Variants in CTNNA3 observed in about 807,000 individuals in gnomAD.
The protein encoded by CTNNA3 is catenin alpha-3.
CTNNA3 carries 76 observed loss-of-function variants against 95.7 expected under a neutral mutation model. That is an observed-to-expected ratio of 0.79 (90% CI 0.66 to 0.96). The LOEUF is 0.96. CTNNA3 is among the 40% of genes least tolerant of loss of function. The pLI is 0.00. For synonymous variants in CTNNA3, 431 were observed against 374.4 expected (o/e 1.15, Z -1.74); for missense variants, 1,191 against 1,089.8 (o/e 1.09, Z -1.31).
Position 66,006,255 on chromosome 10 carries a change from C to T in CTNNA3, c.2160-17458G>A, listed in dbSNP as rs188115365. 9.5e-3 allele frequency among the ~76,000 whole-genome samples: 1,441 copies of T among 151,958 alleles called. 10 individuals carry two copies. Among genetic ancestry groups the T allele is most frequent in the South Asian group, 0.015 (71 of 4,802 alleles). On this transcript the variant is annotated intron_variant, in intron 15 of 17. Transcript: ENST00000433211. ...GTCTCGATCTCCTGACCTCGTGATC[C>T]GCCCGCCTCGGCCTCCCAAAGTGCT... is the stretch of plus-strand genomic sequence containing the variant.
At chr10:66,080,705 C>T (rs972457229) in intron 14 of CTNNA3, among the ~76,000 whole-genome samples, 1 of 152,102 alleles carries the variant, frequency 6.6e-6, no homozygotes, top group African/African-American at 2.4e-5. Context: ...AGATGGAACT[C>T]AACTCTGCTG....
intron 17 of CTNNA3, among the ~76,000 whole-genome samples, chr10:65,947,376 C>T (rs536807916): frequency 6.6e-6 from 1 of 152,228 alleles, no homozygotes; most frequent in South Asian, 2.1e-4. Flanking sequence ...GTAAATTTAA[C>T]ATTTATCCAA....
intron 9 of CTNNA3, among the ~76,000 whole-genome samples, chr10:66,704,338 T>C (rs946673467): frequency 2.0e-5 from 3 of 152,154 alleles, no homozygotes; most frequent in African/African-American, 7.2e-5. Context: ...GAAACATAAA[T>C]GCTTCTTTTT....
rs947855137 is a variant in CTNNA3 at position 66,240,274 on chromosome 10, C to T, written c.1884+40196G>A. Among the ~76,000 whole-genome samples the T allele has an allele frequency of 3.3e-5, 5 of 151,960 alleles. 1 individual carries two copies. The highest frequency in any genetic ancestry group is 4.1e-4 in the South Asian group (2 of 4,826). On this transcript the variant is annotated intron_variant, in intron 13 of 17. Transcript: ENST00000433211. The stretch of plus-strand genomic sequence containing the variant: ...AACATTTCAAATGAAGAACCAAAAT[C>T]GGGAAATGCAAATCACAACTCTAAC...
At position 66,083,873 on chromosome 10, in the gene CTNNA3, T is replaced by G. The variant is rs371192819; in HGVS notation, c.1978-14384A>C. ...TGAGTTGGCTGGGTGTGGTGGCTCA[T>G]GCCTGTAATCCCAGCACTTTGGGAG... On this transcript the variant is annotated intron_variant, in intron 14 of 17. Transcript: ENST00000433211. Among the ~76,000 whole-genome samples the G allele has an allele frequency of 5.9e-5, 9 of 152,224 alleles. No homozygotes were observed. In the South Asian group the frequency reaches 1.9e-3, roughly 32 times the overall value.
intron 17 of CTNNA3, among the ~76,000 whole-genome samples, chr10:65,948,889 T>C (rs2077566546): frequency 6.6e-6 from 1 of 152,228 alleles, no homozygotes; most frequent in African/African-American, 2.4e-5. Context: ...CTCTAAACTA[T>C]AATTACTTAT....
chr10:67,256,473 C>T (rs922138591), intron 5 of CTNNA3, among the ~76,000 whole-genome samples: 5 of 152,122 alleles, frequency 3.3e-5, no homozygotes, highest in Non-Finnish European at 2.9e-5. Flanking sequence ...AAAACCACAT[C>T]GCTTCAGCTC....
intron 6 of CTNNA3, among the ~76,000 whole-genome samples, chr10:67,199,620 C>T (rs1015008603): frequency 6.6e-6 from 1 of 152,074 alleles, no homozygotes; most frequent in Admixed American, 6.6e-5. Flanking sequence ...CCACCCACCT[C>T]GGCCTCCCAA....
intron 13 of CTNNA3, among the ~76,000 whole-genome samples, chr10:66,203,473 C>T (rs2087563042): frequency 6.6e-6 from 1 of 151,838 alleles, no homozygotes; most frequent in South Asian, 2.1e-4. Context: ...AGGGAGCGTT[C>T]TCACTCCCAT....
intron 11 of CTNNA3, among the ~76,000 whole-genome samples, chr10:66,398,919 CT>C (rs1443503002): frequency 6.6e-6 from 1 of 152,010 alleles, no homozygotes; most frequent in East Asian, 1.9e-4. Flanking sequence ...TTAAGCATCT[CT>C]GCATGAAAAA....
At chr10:66,284,227 A>C (rs1008321063) in intron 12 of CTNNA3, among the ~76,000 whole-genome samples, 1 of 151,928 alleles carries the variant, frequency 6.6e-6, no homozygotes, top group Non-Finnish European at 1.5e-5. Context: ...TAGACAGAAT[A>C]ATAGCTACCA....
chr10:66,544,886 C>T (rs1281174300), intron 10 of CTNNA3, among the ~76,000 whole-genome samples: 1 of 152,080 alleles, frequency 6.6e-6, no homozygotes, highest in East Asian at 1.9e-4. Flanking sequence ...CCAAATAAAC[C>T]AACGGTGTTC....
chr10:66,490,143 C>T (rs530575377), intron 11 of CTNNA3, among the ~76,000 whole-genome samples: 1 of 152,188 alleles, frequency 6.6e-6, no homozygotes, highest in African/African-American at 2.4e-5. Context: ...TTTGTGGGGT[C>T]TCTTTTCTGA....
intron 9 of CTNNA3, among the ~76,000 whole-genome samples, chr10:66,720,860 C>G (rs551785006): frequency 5.9e-5 from 9 of 152,114 alleles, no homozygotes; most frequent in South Asian, 2.1e-4. Flanking sequence ...GAAAAGAAAA[C>G]AAAAAGACCT....
At chr10:66,926,218 A>G (rs544947041) in intron 7 of CTNNA3, 8 of 448,818 alleles carry the variant, frequency 1.8e-5, no homozygotes, top group Non-Finnish European at 3.0e-5. Context: ...ATTGCCTGGA[A>G]GAATACATCA....
rs530685276 is a variant in CTNNA3, at chr10:67,538,259, G to A, written c.459+1244C>T. On this transcript the variant is annotated intron_variant, in intron 4 of 17. Coordinates refer to ENST00000433211, the MANE Select transcript of CTNNA3 (RefSeq NM_013266.4). ...AGTACACAGAGAGGGTCACTCTAGCGTTAAAATAAGCAATAGTGAATACAA... is the reference window on the plus strand; with the variant it reads ...AGTACACAGAGAGGGTCACTCTAGCATTAAAATAAGCAATAGTGAATACAA... 4.0e-5 allele frequency among the ~76,000 whole-genome samples: 6 copies of A among 151,170 alleles called. No homozygotes were observed. The South Asian group carries it at 8.4e-4, about 21-fold the overall frequency.
chr10:67,452,196 T>C (rs1168158719), intron 5 of CTNNA3, among the ~76,000 whole-genome samples: 7 of 152,242 alleles, frequency 4.6e-5, no homozygotes, highest in Non-Finnish European at 1.0e-4. Context: ...TTACTAGGCA[T>C]TATAGATGCA....
At chr10:66,993,246 G>A (rs968576098) in intron 7 of CTNNA3, among the ~76,000 whole-genome samples, 3 of 152,134 alleles carry the variant, frequency 2.0e-5, no homozygotes, top group Non-Finnish European at 4.4e-5. Flanking sequence ...AGCATGATAG[G>A]TGGGATCCAA....
At chr10:67,228,737 T>G (rs1490485270) in intron 5 of CTNNA3, among the ~76,000 whole-genome samples, 1 of 152,136 alleles carries the variant, frequency 6.6e-6, no homozygotes, top group East Asian at 1.9e-4. Context: ...GATGGATAAA[T>G]TCCTGGAAAA....
Sources: gnomAD v4.1 joint callset for allele counts (sites outside exome capture counted in the v4.1 genomes callset) on GRCh38, gnomAD v4.1.1 for gene constraint, MANE v1.5 for transcripts, NCBI Gene and HGNC (gene_info 2026-07-23, HGNC 2026-07-21) for gene names.